Variants in RAB8B observed in about 807,000 individuals in gnomAD.
The protein encoded by RAB8B is RAB8B, member RAS oncogene family.
RAB8B carries 11 observed loss-of-function variants against 32.0 expected under a neutral mutation model. That is an observed-to-expected ratio of 0.34 (90% CI 0.22 to 0.57). The LOEUF (loss-of-function observed/expected upper bound fraction) is 0.57. Ranked by LOEUF, RAB8B falls within the 20% of genes least tolerant of loss-of-function variation. The pLI is 0.86. For missense variants in RAB8B, 190 were observed against 258.5 expected, an observed-to-expected ratio of 0.73 and a Z score of 1.82; for synonymous variants, 103 against 89.6, an observed-to-expected ratio of 1.15 and a Z score of -0.85.
At chr15:63,240,715 G>C (rs895192963) in intron 1 of RAB8B, among the ~76,000 whole-genome samples, 9 of 144,274 alleles carry the variant, frequency 6.2e-5, no homozygotes, top group Non-Finnish European at 1.3e-4. Flanking sequence ...ACAGCTCTTA[G>C]AAACTTTGAA....
intron 1 of RAB8B, 70 bp downstream of exon 1, chr15:63,189,818 G>A (rs1674672405): frequency 1.3e-6 from 1 of 769,156 alleles, no homozygotes; most frequent in African/African-American, 1.9e-5. Context: ...CGGGGAAAGG[G>A]CGGGGGGCGC....
chr15:63,198,023 G>C (rs545814875), intron 1 of RAB8B, among the ~76,000 whole-genome samples: 1 of 152,260 alleles, frequency 6.6e-6, no homozygotes, highest in South Asian at 2.1e-4. Context: ...CTGGAGAGGT[G>C]CCCTTTTCCT....
chr15:63,219,004 ATTTT>A (rs71131152), intron 1 of RAB8B, among the ~76,000 whole-genome samples: 73 of 94,660 alleles, frequency 7.7e-4, no homozygotes, highest in Admixed American at 2.9e-3. Context: ...CCAGCAGTGG[ATTTT>A]TTTTTTTTTT....
rs145598102 is a variant in RAB8B, at chr15:63,223,063, C to T, written c.125-21693C>T. ...TCAGAGCAACTTCCAGTCCTGTAAG[C>T]GCCTTTCATGGTAAGTACCCTATAT... is the stretch of plus-strand genomic sequence containing the variant. On this transcript the variant is annotated intron_variant, in intron 1 of 7. Transcript: ENST00000321437. The T allele has an allele frequency of 4.9e-3, 2,218 of 455,890 alleles. 11 individuals are homozygous for T. The highest frequency in any genetic ancestry group is 0.012 in the South Asian group (763 of 64,554). 28.2% of individuals were successfully genotyped at this position (455,890 alleles called of 1,614,324 possible). A position where few individuals can be genotyped will look rare whatever the true frequency, so the allele number is the denominator to read the frequency against.
intron 2 of RAB8B, among the ~76,000 whole-genome samples, chr15:63,246,964 T>A (rs1339906643): frequency 1.3e-5 from 2 of 152,230 alleles, no homozygotes; most frequent in Non-Finnish European, 2.9e-5. Context: ...ATATGTTTCT[T>A]ATTATATGTG....
chr15:63,251,126 C>T (rs2038113865), intron 3 of RAB8B, among the ~76,000 whole-genome samples: 1 of 151,906 alleles, frequency 6.6e-6, no homozygotes, highest in African/African-American at 2.4e-5. Flanking sequence ...TTGTTCCCCA[C>T]ACTCCACCCT....
chr15:63,204,863 A>T lies in RAB8B; in HGVS notation c.124+15115A>T, dbSNP rs1033272714. ...TTTCCTCCATTTAACACTTTTTCTT[A>T]TACAAGGATGAGGGCTGGGTGCAGT... On this transcript the variant is annotated intron_variant, in intron 1 of 7. Transcript: ENST00000321437. 8.5e-5 allele frequency among the ~76,000 whole-genome samples: 13 copies of T among 152,214 alleles called. 1 individual carries two copies. Among genetic ancestry groups the T allele is most frequent in the Admixed American group, 7.9e-4 (12 of 15,280 alleles).
At chr15:63,227,908 TTCTTTTCTTTCTTTTC>T (rs1055252990) in intron 1 of RAB8B, among the ~76,000 whole-genome samples, 2 of 152,126 alleles carry the variant, frequency 1.3e-5, no homozygotes, top group African/African-American at 2.4e-5. Context: ...TTCCTTTCCT[TTCTTTTCTTTCTTTTC>T]TCTTTCCTTT....
intron 1 of RAB8B, among the ~76,000 whole-genome samples, chr15:63,219,971 A>C (rs8029555): frequency 0.95 from 144,965 of 152,286 alleles, 69,088 homozygotes; most frequent in East Asian, 1. Context: ...TTCCCACACA[A>C]CGTAGAGACA....
chr15:63,243,776 A>C (rs2038050492), intron 1 of RAB8B, among the ~76,000 whole-genome samples: 1 of 152,114 alleles, frequency 6.6e-6, no homozygotes, highest in Non-Finnish European at 1.5e-5. Context: ...GCTATGACAG[A>C]ATACCTGAAA....
intron 1 of RAB8B, among the ~76,000 whole-genome samples, chr15:63,227,205 C>T (rs1052730672): frequency 6.6e-6 from 1 of 152,190 alleles, no homozygotes; most frequent in Admixed American, 6.5e-5. Flanking sequence ...TTATTTTACC[C>T]AGCTCCTGTT....
chr15:63,194,123 A>G (rs1437196421), intron 1 of RAB8B, among the ~76,000 whole-genome samples: 1 of 152,090 alleles, frequency 6.6e-6, no homozygotes, highest in Admixed American at 6.5e-5. Context: ...TGGTTTCACT[A>G]TTTAGTATAG....
intron 4 of RAB8B, 66 bp downstream of exon 4, chr15:63,255,650 C>T: frequency 3.0e-6 from 4 of 1,345,878 alleles, no homozygotes; most frequent in South Asian, 2.4e-5. Context: ...AAAGGCTCCT[C>T]TGTCTGCAAG....
intron 1 of RAB8B, among the ~76,000 whole-genome samples, chr15:63,201,252 G>A (rs1051687996): frequency 3.9e-5 from 6 of 152,200 alleles, no homozygotes; most frequent in African/African-American, 1.4e-4. Flanking sequence ...CTACAAAGGA[G>A]TAAATCTCCG....
chr15:63,264,286 C>T lies in RAB8B; in HGVS notation c.*667C>T, dbSNP rs2038224987. On this transcript the variant is annotated 3_prime_UTR_variant, in exon 8 of 8. Coordinates refer to ENST00000321437, the MANE Select transcript of RAB8B (RefSeq NM_016530.3). Reference sequence around the variant, plus strand: ...ATGAATCACTTTAAAATGATTACCTCTGCCTAATCTATAGAAACTGCATTT... The same window carrying T: ...ATGAATCACTTTAAAATGATTACCTTTGCCTAATCTATAGAAACTGCATTT... 1 of 152,226 alleles carries T rather than the reference C, an allele frequency of 6.6e-6. No homozygotes were observed. The allele number at this position is 152,226 out of a possible 1,614,324, so 9.4% of individuals were successfully genotyped here.
At chr15:63,260,951 C>G (rs1056980113) in intron 6 of RAB8B, among the ~76,000 whole-genome samples, 2 of 152,064 alleles carry the variant, frequency 1.3e-5, no homozygotes, top group African/African-American at 4.8e-5. Flanking sequence ...TTTTAAATAA[C>G]GTAACAGTTA....
chr15:63,263,493 T>G lies in RAB8B; in HGVS notation c.532-34T>G. The G allele has an allele frequency of 2.6e-6, 4 of 1,529,478 alleles. No individual in the cohort carries two copies. In the Admixed American group the frequency reaches 6.7e-5, roughly 26 times the overall value. 94.7% of individuals were successfully genotyped at this position (1,529,478 alleles called of 1,614,324 possible). ...AACTGAGGTCAAACCATGAAACTTT[T>G]ATTTCCTTGGTAACTTCATCTTCTA... is the stretch of plus-strand genomic sequence containing the variant. On this transcript the variant is annotated intron_variant, in intron 7 of 7. Coordinates refer to ENST00000321437, the MANE Select transcript of RAB8B (RefSeq NM_016530.3).
At position 63,189,678 on chromosome 15, in the gene RAB8B, G is replaced by T. The variant is rs747355137; in HGVS notation, c.54G>T (p.Gly18=). The change falls in exon 1 of 8, where the codon GGG becomes GGT. Residue 18 remains glycine, a synonymous_variant. Transcript: ENST00000321437. The part of the protein sequence containing the change: ...LFKLLLIGDS[G]VGKTCLLFRF... ...AGCTCCTGCTGATCGGCGACTCGGG[G>T]GTAGGCAAGACCTGCCTCCTGTTCC... is the stretch of plus-strand genomic sequence containing the variant. 1.2e-6 allele frequency: 2 copies of T among 1,614,008 alleles called. No homozygotes were observed. Among genetic ancestry groups the T allele is most frequent in the East Asian group, 2.2e-5 (1 of 44,868 alleles).
chr15:63,249,750 G>A, intron 3 of RAB8B, 45 bp downstream of exon 3: 1 of 1,562,478 alleles, frequency 6.4e-7, no homozygotes. Flanking sequence ...TAGAAGTAAA[G>A]CATGAATGTT....
Sources: allele counts gnomAD v4.1 joint callset (sites outside exome capture counted in the v4.1 genomes callset), GRCh38; gene constraint gnomAD v4.1.1; transcripts MANE v1.5; gene names NCBI Gene and HGNC (gene_info 2026-07-23, HGNC 2026-07-21).